Variants in PTK2B observed in about 807,000 individuals in gnomAD.
PTK2B encodes protein tyrosine kinase 2 beta.
PTK2B carries 71 observed loss-of-function variants against 142.9 expected under a neutral mutation model. The ratio of observed to expected loss-of-function variants is 0.50; its 90% CI spans 0.41 to 0.61. The LOEUF is 0.61. Ranked by LOEUF, PTK2B falls within the 20% of genes least tolerant of loss-of-function variation. The probability of loss-of-function intolerance (pLI) is 0.00; values close to 1 mark genes in which losing one functional copy is unlikely to be tolerated. For missense variants in PTK2B, 1,105 were observed against 1,320.4 expected (o/e 0.84, Z 2.53); for synonymous variants, 519 against 503.4 (o/e 1.03, Z -0.42).
chr8:27,454,030 T>C, intron 28 of PTK2B, 124 bp from the exon 29 acceptor site: 1 of 1,359,860 alleles, frequency 7.4e-7, no homozygotes, highest in South Asian at 1.2e-5. Flanking sequence ...ACAATTATTC[T>C]AAAGAAGAGT....
chr8:27,361,116 C>CT (rs970128872), intron 1 of PTK2B, among the ~76,000 whole-genome samples: 1 of 152,190 alleles, frequency 6.6e-6, no homozygotes, highest in African/African-American at 2.4e-5. Flanking sequence ...CCCTCACCCC[C>CT]TTCCCACCCT....
chr8:27,360,606 C>T (rs2130750008), intron 1 of PTK2B, among the ~76,000 whole-genome samples: 1 of 151,048 alleles, frequency 6.6e-6, no homozygotes, highest in South Asian at 2.1e-4. Flanking sequence ...GGCAGAACCC[C>T]ATGGCGATGC....
chr8:27,336,020 G>A (rs967501063), intron 1 of PTK2B, among the ~76,000 whole-genome samples: 5 of 152,130 alleles, frequency 3.3e-5, no homozygotes, highest in South Asian at 2.1e-4. Context: ...TCTCAGGCTC[G>A]TGAGGTGCTC....
At chr8:27,311,393 C>T (rs1802963727), upstream of PTK2B, 3 of 917,036 alleles carry the variant, frequency 3.3e-6, no homozygotes, top group African/African-American at 1.7e-5. Flanking sequence ...GGGGGGATGG[C>T]GAGGGGGAGG....
chr8:27,359,817 TGTTTCTAGTGCCCACCTTGTA>T (rs1586157055), intron 1 of PTK2B, among the ~76,000 whole-genome samples: 1 of 152,106 alleles, frequency 6.6e-6, no homozygotes, highest in Non-Finnish European at 1.5e-5. Context: ...TGGTGAACAG[TGTTTCTAGTGCCCACCTTGTA>T]GTCAGGATGG....
intron 2 of PTK2B, among the ~76,000 whole-genome samples, chr8:27,407,328 G>T (rs1437512722): frequency 6.6e-6 from 1 of 152,182 alleles, no homozygotes; most frequent in Non-Finnish European, 1.5e-5. Flanking sequence ...ACAGGAGGAA[G>T]TCATTTTTCT....
chr8:27,319,144 C>T (rs758569072), intron 3 of PTK2B, among the ~76,000 whole-genome samples: 2 of 151,694 alleles, frequency 1.3e-5, no homozygotes, highest in African/African-American at 4.8e-5. Flanking sequence ...TTTTTTTTAA[C>T]TTTTTCATTA....
intron 24 of PTK2B, among the ~76,000 whole-genome samples, chr8:27,449,152 T>G (rs901972114): frequency 6.6e-6 from 1 of 152,162 alleles, no homozygotes; most frequent in African/African-American, 2.4e-5. Flanking sequence ...AGTGCTGAGG[T>G]TGAGGAGCCT....
At chr8:27,325,785 G>C (rs2130735018) in intron 1 of PTK2B, 104 bp downstream of exon 1, 1 of 152,478 alleles carries the variant, frequency 6.6e-6, no homozygotes, top group East Asian at 1.9e-4. Context: ...CTGGGCACCT[G>C]AGCTGGGAGT....
In PTK2B at chr8:27,439,112, G is replaced by C; in HGVS notation, c.1725G>C (p.Glu575Asp). The stretch of plus-strand genomic sequence containing the variant: ...ACTTTGGTCTTTCCCGGTACATTGA[G>C]GACGAGGACTATTACAAAGGTGAGG... The part of the protein sequence containing the change: ...LGDFGLSRYI[E>D]DEDYYKASVT... Residue 575 changes from glutamate (E) to aspartate (D), a missense_variant, in exon 19 of 31, where the codon GAG becomes GAC. Coordinates refer to ENST00000346049, the MANE Select transcript of PTK2B (RefSeq NM_173176.3). 6.2e-7 allele frequency: 1 copy of C among 1,613,838 alleles called. No individual in the cohort carries two copies. The highest frequency in any genetic ancestry group is 8.5e-7 in the Non-Finnish European group (1 of 1,179,734).
rs570435815 is a variant in PTK2B at position 27,391,335 on chromosome 8, G to T, written c.-37-6213G>T. On this transcript the variant is annotated intron_variant, in intron 1 of 30. Coordinates refer to ENST00000346049, the MANE Select transcript of PTK2B (RefSeq NM_173176.3). The stretch of plus-strand genomic sequence containing the variant: ...TGATCTCAAACTCCTGATTTCAAGT[G>T]ATCTGCCCACCTCAGCCTCCCAAAA... Among the ~76,000 whole-genome samples the T allele has an allele frequency of 5.3e-5, 8 of 152,170 alleles. 1 individual carries two copies. Among genetic ancestry groups the T allele is most frequent in the African/African-American group, 1.9e-4 (8 of 41,500 alleles).
chr8:27,356,544 A>G (rs1428028963), intron 1 of PTK2B, among the ~76,000 whole-genome samples: 1 of 152,206 alleles, frequency 6.6e-6, no homozygotes, highest in East Asian at 1.9e-4. Flanking sequence ...CTGAAAAGCC[A>G]GTGAATTCAT....
At chr8:27,450,718 A>T in intron 24 of PTK2B, 31 bp from the exon 25 acceptor site, 1 of 1,613,422 alleles carries the variant, frequency 6.2e-7, no homozygotes, top group African/African-American at 1.3e-5. Flanking sequence ...GGCTCATTGC[A>T]TCCTCTCCCT....
intron 1 of PTK2B, among the ~76,000 whole-genome samples, chr8:27,360,809 T>C (rs950428243): frequency 4.6e-5 from 7 of 152,224 alleles, no homozygotes; most frequent in African/African-American, 1.7e-4. Flanking sequence ...ACTGCATTTC[T>C]CTCGCCCTCT....
intron 21 of PTK2B, 121 bp downstream of exon 21, chr8:27,440,562 G>A: frequency 1.8e-6 from 2 of 1,141,082 alleles, no homozygotes; most frequent in East Asian, 2.5e-5. Context: ...GTCAAGGACA[G>A]GAGGCTGAAG....
intron 1 of PTK2B, among the ~76,000 whole-genome samples, chr8:27,346,008 A>T (rs1195188265): frequency 1.3e-5 from 2 of 152,130 alleles, no homozygotes; most frequent in African/African-American, 4.8e-5. Flanking sequence ...AAAAAGATTC[A>T]TGTCTCACCC....
At chr8:27,415,713 CAAG>C (rs1212584291) in intron 2 of PTK2B, among the ~76,000 whole-genome samples, 1 of 152,064 alleles carries the variant, frequency 6.6e-6, no homozygotes, top group African/African-American at 2.4e-5. Flanking sequence ...GGCAGAGCAG[CAAG>C]AAGATTAGCA....
chr8:27,328,217 A>G (rs1803533163), intron 1 of PTK2B, among the ~76,000 whole-genome samples: 1 of 152,224 alleles, frequency 6.6e-6, no homozygotes. Context: ...ATGTGAATGA[A>G]TTAAAGTAGA....
chr8:27,452,821 G>A (rs935131446), intron 27 of PTK2B: 2 of 518,406 alleles, frequency 3.9e-6, no homozygotes, highest in Non-Finnish European at 6.9e-6. Context: ...CTTAGGCCTG[G>A]TGTCCATCAG....
Sources: gnomAD v4.1 joint callset for allele counts (sites outside exome capture counted in the v4.1 genomes callset) on GRCh38, gnomAD v4.1.1 for gene constraint, MANE v1.5 for transcripts, NCBI Gene and HGNC (gene_info 2026-07-23, HGNC 2026-07-21) for gene names.